The following EIF3A variants were observed in gnomAD, a reference collection of about 807,000 sequenced individuals.
EIF3A encodes EIF3, p180 subunit.
A neutral mutation model predicts 186.6 loss-of-function variants in EIF3A; 21 were observed. The ratio of observed to expected loss-of-function variants is 0.11; its 90% CI spans 0.08 to 0.16. EIF3A has a LOEUF of 0.16. EIF3A is among the 10% of genes least tolerant of loss of function. The pLI is 1.00. For missense variants in EIF3A, 1,306 were observed against 1,796.3 expected (o/e 0.73, Z 4.93); for synonymous variants, 563 against 584.3 (o/e 0.96, Z 0.52).
chr10:119,049,235 A>G (rs1398513274), intron 17 of EIF3A, among the ~76,000 whole-genome samples: 1 of 152,180 alleles, frequency 6.6e-6, no homozygotes, highest in South Asian at 2.1e-4. Context: ...CAAGGCAAGC[A>G]GATTGTTTGA....
intron 14 of EIF3A, among the ~76,000 whole-genome samples, chr10:119,053,762 C>A (rs1848389765): frequency 1.3e-5 from 2 of 152,150 alleles, no homozygotes; most frequent in South Asian, 4.1e-4. Flanking sequence ...TAGCCACCTT[C>A]ATCAACTATC....
intron 1 of EIF3A, among the ~76,000 whole-genome samples, chr10:119,079,212 A>T (rs747159993): frequency 3.1e-4 from 47 of 152,328 alleles, no homozygotes; most frequent in Non-Finnish European, 6.0e-4. Context: ...AGAATGAATT[A>T]GTGCTCACAT....
At chr10:119,057,295 C>T (rs546842562) in intron 12 of EIF3A, among the ~76,000 whole-genome samples, 14 of 152,274 alleles carry the variant, frequency 9.2e-5, no homozygotes, top group Non-Finnish European at 1.8e-4. Context: ...AAACCTAATC[C>T]AAAAACCCAA....
At chr10:119,073,981 A>T in intron 1 of EIF3A, 44 bp from the exon 2 acceptor site, 1 of 1,467,964 alleles carries the variant, frequency 6.8e-7, no homozygotes, top group Non-Finnish European at 9.1e-7. Context: ...TACACTATAC[A>T]AGAGTCTAAA....
chr10:119,066,025 A>T (rs1176788624), intron 6 of EIF3A, among the ~76,000 whole-genome samples: 1 of 152,046 alleles, frequency 6.6e-6, no homozygotes, highest in Non-Finnish European at 1.5e-5. Flanking sequence ...CTGAGGCAGG[A>T]GAATCGCATG....
intron 6 of EIF3A, among the ~76,000 whole-genome samples, chr10:119,065,901 C>G (rs6585527): frequency 0.95 from 144,097 of 152,142 alleles, 68,698 homozygotes; most frequent in Non-Finnish European, 1. Context: ...CACATCACGA[C>G]GTCAAGAGAT....
At chr10:119,064,479 G>A (rs1252698235) in intron 7 of EIF3A, among the ~76,000 whole-genome samples, 1 of 152,120 alleles carries the variant, frequency 6.6e-6, no homozygotes, top group Non-Finnish European at 1.5e-5. Flanking sequence ...CATGATAAGA[G>A]TTCTCCCAAG....
rs1589691977 is a variant in EIF3A at position 119,061,142 on chromosome 10, TCTTAACA to T, written c.1227+75_1227+81del. On this transcript the variant is annotated intron_variant, in intron 8 of 21. Coordinates refer to ENST00000369144, the MANE Select transcript of EIF3A (RefSeq NM_003750.4). ...TCCAACACATAGGACAAAACTTCTC[TCTTAACA>T]AATATGAATACAACCCAAAACTGCA... is the stretch of plus-strand genomic sequence containing the variant. The T allele has an allele frequency of 2.1e-5, 15 of 718,938 alleles. No individual in the cohort carries two copies. In the East Asian group the frequency reaches 3.8e-4, roughly 18 times the overall value. 44.5% of individuals were successfully genotyped at this position (718,938 alleles called of 1,614,324 possible).
chr10:119,047,933 T>C lies in EIF3A; in HGVS notation c.2658+1868A>G, dbSNP rs150226659. 3.2e-3 allele frequency among the ~76,000 whole-genome samples: 480 copies of C among 151,994 alleles called. 2 individuals carry two copies. The highest frequency in any genetic ancestry group is 0.011 in the African/African-American group (453 of 41,470). ...ATCCTTGAGCTTTCTGAGTGAAAAG[T>C]AAGCAAGCAATACTTTAAGGGGCAA... On this transcript the variant is annotated intron_variant, in intron 17 of 21. Transcript: ENST00000369144.
chr10:119,033,913 G>T lies in EIF3A; in HGVS notation c.*2126C>A, dbSNP rs946165146. 2 of 166,046 alleles carry T rather than the reference G, an allele frequency of 1.2e-5. No individual in the cohort carries two copies. Among genetic ancestry groups the T allele is most frequent in the Non-Finnish European group, 1.5e-5 (1 of 67,982 alleles). 10.3% of individuals were successfully genotyped at this position (166,046 alleles called of 1,614,324 possible). The stretch of plus-strand genomic sequence containing the variant: ...CACAGGCAGTTCTTTACATAAAAAC[G>T]TCCCACACGTTATAGATGCCAGCCA... On this transcript the variant is annotated 3_prime_UTR_variant, in exon 22 of 22. Transcript: ENST00000369144.
rs923425953 is a variant in EIF3A, at chr10:119,048,956, C to T, written c.2658+845G>A. ...GCTGGGAATTATAGGCATGAGCCAC[C>T]ACGCCCGGCCAAACGATGATGTCTT... On this transcript the variant is annotated intron_variant, in intron 17 of 21. Transcript: ENST00000369144. 3.3e-5 allele frequency among the ~76,000 whole-genome samples: 5 copies of T among 152,286 alleles called. No homozygotes were observed. In the East Asian group the frequency reaches 7.7e-4, roughly 24 times the overall value.
intron 3 of EIF3A, 29 bp downstream of exon 3, chr10:119,073,412 A>T (rs1406155595): frequency 5.3e-6 from 8 of 1,501,626 alleles, no homozygotes; most frequent in Non-Finnish European, 7.3e-6. Context: ...TAACTATCAA[A>T]GCATTTATTA....
intron 20 of EIF3A, among the ~76,000 whole-genome samples, chr10:119,037,907 A>ATTTTTT (rs575308953): frequency 7.5e-5 from 7 of 93,104 alleles, no homozygotes; most frequent in Admixed American, 3.2e-4. Context: ...TTAAGAGGGA[A>ATTTTTT]TTTTTTTTTT....
intron 18 of EIF3A, 45 bp downstream of exon 18, chr10:119,044,009 A>C: frequency 7.3e-7 from 1 of 1,364,990 alleles, no homozygotes; most frequent in Non-Finnish European, 1.0e-6. Context: ...CTGATAAGAT[A>C]TTAACAGGAA....
In EIF3A at chr10:119,073,026, T is replaced by C. The variant is rs1380900839; in HGVS notation, c.405A>G (p.Glu135=). The C allele has an allele frequency of 6.2e-7, 1 of 1,613,404 alleles. No individual in the cohort carries two copies. The highest frequency in any genetic ancestry group is 8.5e-7 in the Non-Finnish European group (1 of 1,179,872). ...ATCTGTCAGTACGATCCTGAGTGTC[T>C]TCACCACTTACAGCACTTAGGAGAA... The part of the protein sequence containing the change: ...ESVLLSAVSG[E]DTQDRTDRLL... Residue 135 remains glutamate, a synonymous_variant, in exon 4 of 22, where the codon GAA becomes GAG. Transcript: ENST00000369144.
chr10:119,037,315 G>C lies in EIF3A; in HGVS notation c.3729-6C>G, dbSNP rs888729065. On this transcript the variant is annotated splice_polypyrimidine_tract_variant and splice_region_variant and intron_variant, in intron 20 of 21. Transcript: ENST00000369144. ...TTCTCCAGCCACCTTCATCCCTGTAGCCATTTACAATGACAGGTCAGGTTC... is the reference window on the plus strand; with the variant it reads ...TTCTCCAGCCACCTTCATCCCTGTACCCATTTACAATGACAGGTCAGGTTC... The C allele has an allele frequency of 6.2e-7, 1 of 1,613,392 alleles. No individual in the cohort carries two copies.
intron 1 of EIF3A, among the ~76,000 whole-genome samples, chr10:119,080,035 G>C (rs987894366): frequency 2.0e-5 from 3 of 152,258 alleles, no homozygotes; most frequent in Non-Finnish European, 4.4e-5. Flanking sequence ...AAATGGGTCA[G>C]AGGCCCCTAA....
At chr10:119,073,120 A>G in intron 3 of EIF3A, 67 bp from the exon 4 acceptor site, 4 of 1,458,004 alleles carry the variant, frequency 2.7e-6, no homozygotes, top group Non-Finnish European at 2.8e-6. Context: ...ATTAAAAACC[A>G]AAACAATGTT....
rs1491421794 is a variant in EIF3A, at chr10:119,048,122, G to GT, written c.2658+1678dup. Among the ~76,000 whole-genome samples, 3 of 145,234 alleles carry GT rather than the reference G, an allele frequency of 2.1e-5. No homozygotes were observed. In the East Asian group the frequency reaches 6.1e-4, roughly 30 times the overall value. On this transcript the variant is annotated intron_variant, in intron 17 of 21. Coordinates refer to ENST00000369144, the MANE Select transcript of EIF3A (RefSeq NM_003750.4). ...CAGCAACACGGAAGACTACTAACGC[G>GT]TGTTTTAAAACCTTTGGCTCTCAGT...
Sources: allele counts gnomAD v4.1 joint callset (sites outside exome capture counted in the v4.1 genomes callset), GRCh38; gene constraint gnomAD v4.1.1; transcripts MANE v1.5; gene names NCBI Gene and HGNC (gene_info 2026-07-23, HGNC 2026-07-21).